The following USP3 variants were observed in gnomAD, a reference collection of about 807,000 sequenced individuals.
USP3 encodes the protein ubiquitin carboxyl-terminal hydrolase 3.
A neutral mutation model predicts 72.3 loss-of-function variants in USP3; 20 were observed. The ratio of observed to expected loss-of-function variants is 0.28; its 90% confidence interval spans 0.19 to 0.40. USP3 has a LOEUF of 0.40. Ranked by LOEUF, USP3 falls within the 10% of genes least tolerant of loss-of-function variation. The pLI is 1.00. For synonymous variants in USP3, 222 were observed against 225.3 expected (o/e 0.99, Z 0.13); for missense variants, 479 against 633.9 (o/e 0.76, Z 2.62).
intron 11 of USP3, among the ~76,000 whole-genome samples, chr15:63,575,157 GGT>G (rs542154720): frequency 2.0e-5 from 2 of 100,866 alleles, no homozygotes; most frequent in African/African-American, 9.7e-5. Flanking sequence ...TTGTCATGAT[GGT>G]TTTTTTTTTT....
chr15:63,582,336 GGA>G (rs2066978443), intron 11 of USP3, among the ~76,000 whole-genome samples: 1 of 152,130 alleles, frequency 6.6e-6, no homozygotes, highest in African/African-American at 2.4e-5. Flanking sequence ...CTTTCTTAGG[GGA>G]ACTCCCCAGG....
intron 11 of USP3, among the ~76,000 whole-genome samples, chr15:63,582,787 A>G (rs2066986375): frequency 6.6e-6 from 1 of 152,170 alleles, no homozygotes; most frequent in Non-Finnish European, 1.5e-5. Context: ...GACAGGAAGG[A>G]AGGCTGCGAG....
In USP3 at chr15:63,590,825, A is replaced by AATACC. The variant is rs766257950; in HGVS notation, c.1563_*4dup. 1.2e-6 allele frequency: 2 copies of AATACC among 1,607,728 alleles called. No homozygotes were observed. The highest frequency in any genetic ancestry group is 1.7e-6 in the Non-Finnish European group (2 of 1,177,574). On this transcript the variant is annotated frameshift_variant and stop_retained_variant, in exon 15 of 15. Transcript: ENST00000380324. LOFTEE classifies it high-confidence loss of function. ...GCCAAAGCTGGATCGGATAAACTTT[A>AATACC]ATACCTCCTCCAAATCATCATTCAC...
intron 9 of USP3, among the ~76,000 whole-genome samples, chr15:63,573,061 G>A (rs144426758): frequency 3.5e-4 from 54 of 152,274 alleles, no homozygotes; most frequent in African/African-American, 1.3e-3. Context: ...TCACTGGTAC[G>A]CTTTCTCAGT....
chr15:63,505,660 G>A (rs1262857926), intron 1 of USP3, among the ~76,000 whole-genome samples: 4 of 152,152 alleles, frequency 2.6e-5, no homozygotes, highest in Non-Finnish European at 1.5e-5. Context: ...CCCCTTGGAA[G>A]CCCCAGTGCC....
intron 1 of USP3, among the ~76,000 whole-genome samples, chr15:63,519,688 A>G (rs2065892862): frequency 6.6e-6 from 1 of 152,226 alleles, no homozygotes; most frequent in African/African-American, 2.4e-5. Flanking sequence ...AGTTTTACCC[A>G]GTAGTTTCAC....
rs969082726 is a variant in USP3 at position 63,594,233 on chromosome 15, C to T, written c.*3407C>T. Reference sequence around the variant, plus strand: ...CAGCCCCTAAACTCTCTCCTGTACCCTCTGTTGCTGAAGTGGCCTCTTCAC... The same window carrying T: ...CAGCCCCTAAACTCTCTCCTGTACCTTCTGTTGCTGAAGTGGCCTCTTCAC... On this transcript the variant is annotated 3_prime_UTR_variant, in exon 15 of 15. Transcript: ENST00000380324. 2 of 152,232 alleles carry T rather than the reference C, an allele frequency of 1.3e-5. No homozygotes were observed. Among genetic ancestry groups the T allele is most frequent in the South Asian group, 4.1e-4 (2 of 4,824 alleles). 9.4% of individuals were successfully genotyped at this position (152,232 alleles called of 1,614,324 possible). A position where few individuals can be genotyped will look rare whatever the true frequency, so the allele number is the denominator to read the frequency against.
At chr15:63,541,763 T>TC (rs2066248405) in intron 3 of USP3, among the ~76,000 whole-genome samples, 1 of 152,152 alleles carries the variant, frequency 6.6e-6, no homozygotes, top group African/African-American at 2.4e-5. Flanking sequence ...GCTTGCTTTT[T>TC]CTTTTCAGTA....
In USP3 at chr15:63,528,832, A is replaced by G. The variant is rs1171313097; in HGVS notation, c.92-3815A>G. Among the ~76,000 whole-genome samples the G allele has an allele frequency of 6.6e-6, 1 of 152,198 alleles. No individual in the cohort carries two copies. The highest frequency in any genetic ancestry group is 1.9e-4 in the East Asian group (1 of 5,202). On this transcript the variant is annotated intron_variant, in intron 1 of 14. Coordinates refer to ENST00000380324, the MANE Select transcript of USP3 (RefSeq NM_006537.4). This position sits in a 1 kb window ranked among gnomAD's most constrained non-coding sequence, Gnocchi z 4.3. ...TTGTACAATTACCTGTTCTCTTCTT[A>G]ACAATAATTGAGAGTTTAATTTAAA...
intron 2 of USP3, 92 bp from the exon 3 acceptor site, chr15:63,536,928 CTTTAT>C: frequency 7.7e-7 from 1 of 1,297,248 alleles, no homozygotes; most frequent in Non-Finnish European, 1.0e-6. Context: ...TATAGGATTT[CTTTAT>C]TTTGATTTGA....
At chr15:63,550,056 C>A (rs1223979095) in intron 3 of USP3, among the ~76,000 whole-genome samples, 3 of 152,198 alleles carry the variant, frequency 2.0e-5, no homozygotes, top group Admixed American at 1.3e-4. Context: ...TTTTGCCAGG[C>A]TGGAGTGCAC....
In USP3 at chr15:63,553,736, G is replaced by A; in HGVS notation, c.306G>A (p.Val102=). 1 of 1,612,626 alleles carries A rather than the reference G, an allele frequency of 6.2e-7. No individual in the cohort carries two copies. Among genetic ancestry groups the A allele is most frequent in the Non-Finnish European group, 8.5e-7 (1 of 1,179,256 alleles). The change falls in exon 4 of 15, where the codon GTG becomes GTA. Residue 102 remains valine, a synonymous_variant. Coordinates refer to ENST00000380324, the MANE Select transcript of USP3 (RefSeq NM_006537.4). The surrounding 1 kb of genome is among the most constrained non-coding windows in gnomAD (Gnocchi z 4.2). ...STYCYRCDDF[V]VNDTKLGLVQ... is the part of the protein sequence containing the mutation. The stretch of plus-strand genomic sequence containing the variant: ...GCAGTTATCGCTGTGATGATTTTGT[G>A]GTTAATGACACCAAGCTGGGACTGG...
At position 63,570,708 on chromosome 15, in the gene USP3, G is replaced by A; in HGVS notation, c.908+129G>A. On this transcript the variant is annotated intron_variant, in intron 9 of 14. Coordinates refer to ENST00000380324, the MANE Select transcript of USP3 (RefSeq NM_006537.4). The surrounding 1 kb of genome is among the most constrained non-coding windows in gnomAD (Gnocchi z 4.4). ...ATTTGCTGGAACTTTTCGTGCCCTT[G>A]AACTTTGTGACCCAGTGAACTAGCA... 1 of 1,340,472 alleles carries A rather than the reference G, an allele frequency of 7.5e-7. No homozygotes were observed. Among genetic ancestry groups the A allele is most frequent in the Non-Finnish European group, 1.0e-6 (1 of 994,216 alleles). 83.0% of individuals were successfully genotyped at this position (1,340,472 alleles called of 1,614,324 possible).
At chr15:63,585,032 C>A (rs1054556246) in intron 11 of USP3, among the ~76,000 whole-genome samples, 22 of 152,158 alleles carry the variant, frequency 1.4e-4, no homozygotes, top group Non-Finnish European at 2.8e-4. Context: ...GTAGTCTTGT[C>A]ATTCTTGTCA....
chr15:63,560,528 G>A (rs1377258850), intron 7 of USP3, among the ~76,000 whole-genome samples: 1 of 152,006 alleles, frequency 6.6e-6, no homozygotes, highest in Admixed American at 6.6e-5. Context: ...TTGGCATCTA[G>A]ATATGAAGTG....
Position 63,590,821 on chromosome 15 carries a change from C to CTTTA in USP3, c.1559_1562dup (p.Ter521TyrfsTer25). ...CCAGGCCAAAGCTGGATCGGATAAA[C>CTTTA]TTTAATACCTCCTCCAAATCATCAT... is the stretch of plus-strand genomic sequence containing the variant. On this transcript the variant is annotated frameshift_variant, in exon 15 of 15. Transcript: ENST00000380324. LOFTEE classifies it high-confidence loss of function. 6.2e-7 allele frequency: 1 copy of CTTTA among 1,608,654 alleles called. No individual in the cohort carries two copies.
At chr15:63,571,250 T>A (rs2066774213) in intron 9 of USP3, among the ~76,000 whole-genome samples, 1 of 152,184 alleles carries the variant, frequency 6.6e-6, no homozygotes, top group Non-Finnish European at 1.5e-5. Flanking sequence ...TCATCAGTAT[T>A]GAGCTTCATG....
At position 63,513,581 on chromosome 15, in the gene USP3, G is replaced by A. The variant is rs536215001; in HGVS notation, c.91+8751G>A. Among the ~76,000 whole-genome samples, 8 of 152,148 alleles carry A rather than the reference G, an allele frequency of 5.3e-5. No individual in the cohort carries two copies. The South Asian group carries it at 1.7e-3, about 32-fold the overall frequency. ...TTTTTTGTAGAGATAGGGTCTCGATGTTACCCAGGTCTTGAACTTCTGACT... is the reference window on the plus strand; with the variant it reads ...TTTTTTGTAGAGATAGGGTCTCGATATTACCCAGGTCTTGAACTTCTGACT... On this transcript the variant is annotated intron_variant, in intron 1 of 14. Coordinates refer to ENST00000380324, the MANE Select transcript of USP3 (RefSeq NM_006537.4).
intron 3 of USP3, among the ~76,000 whole-genome samples, chr15:63,546,655 A>G (rs79566801): frequency 0.12 from 18,881 of 152,126 alleles, 1,596 homozygotes; most frequent in South Asian, 0.2. Context: ...GCTGGAATGC[A>G]GTGGCCTGAT....
Sources: allele counts gnomAD v4.1 joint callset (sites outside exome capture counted in the v4.1 genomes callset), GRCh38; gene constraint gnomAD v4.1.1; non-coding constraint Gnocchi (gnomAD v3.1); transcripts MANE v1.5; gene names NCBI Gene and HGNC (gene_info 2026-07-23, HGNC 2026-07-21).